DECR2: variants seen among roughly 807,000 people sequenced by gnomAD.
The protein encoded by DECR2 is 2,4-dienoyl-CoA reductase 2, also known as peroxisomal 2,4-dienoyl-CoA reductase [(3E)-enoyl-CoA-producing].
Under a neutral mutation model 29.2 loss-of-function variants are expected in DECR2, and 34 were observed. That is an observed-to-expected ratio of 1.16 (90% CI 0.89 to 1.55). The LOEUF (loss-of-function observed/expected upper bound fraction) is 1.55, where lower values mean the gene tolerates loss of function less well. Ranked by LOEUF, DECR2 falls within the 40% of genes most tolerant of loss-of-function variation. The pLI, the probability that DECR2 is intolerant of heterozygous loss-of-function variation, is 0.00. For missense variants in DECR2, 485 were observed against 425.3 expected (o/e 1.14, Z -1.23); for synonymous variants, 224 against 182.7 (o/e 1.23, Z -1.82).
Position 410,587 on chromosome 16 carries a change from G to A in DECR2, c.463-104G>A, listed in dbSNP as rs9924749. The stretch of plus-strand genomic sequence containing the variant: ...TGCCCTGGGCCTCCCCCTGACGGCC[G>A]CCCGCTCCCTGCCCCGGGCCTCCCC... On this transcript the variant is annotated intron_variant, in intron 5 of 8. Transcript: ENST00000219481. This position sits in a 1 kb window ranked among gnomAD's most constrained non-coding sequence, Gnocchi z 4.1. 3.2e-5 allele frequency: 44 copies of A among 1,373,826 alleles called. No individual in the cohort carries two copies. In the Admixed American group the frequency reaches 6.2e-4, roughly 19 times the overall value. 85.1% of individuals were successfully genotyped at this position (1,373,826 alleles called of 1,614,324 possible).
intron 2 of DECR2, among the ~76,000 whole-genome samples, chr16:405,870 G>A (rs1303291616): frequency 2.6e-5 from 4 of 152,222 alleles, no homozygotes; most frequent in African/African-American, 9.6e-5. Flanking sequence ...TCTTTCGCAA[G>A]AACAGTAGAT....
chr16:407,916 GCCCCATCTCCGGC>G (rs1270769845), intron 4 of DECR2, among the ~76,000 whole-genome samples: 1 of 135,082 alleles, frequency 7.4e-6, no homozygotes, highest in Non-Finnish European at 1.6e-5. Context: ...TCTGTCTCCG[GCCCCATCTCCGGC>G]CCCCTGTCTC....
intron 4 of DECR2, 94 bp downstream of exon 4, chr16:407,654 C>G: frequency 1.9e-6 from 3 of 1,546,522 alleles, no homozygotes; most frequent in Non-Finnish European, 2.6e-6. Context: ...GGGACCATGC[C>G]AGGGAACCTA....
intron 2 of DECR2, chr16:405,286 G>A (rs2054712026): frequency 1.7e-6 from 1 of 592,676 alleles, no homozygotes; most frequent in Non-Finnish European, 2.9e-6. Flanking sequence ...TCAGGGCTGT[G>A]TCGGGCCCCA....
At chr16:408,660 A>G (rs1478454148) in intron 4 of DECR2, among the ~76,000 whole-genome samples, 1 of 151,734 alleles carries the variant, frequency 6.6e-6, no homozygotes, top group Admixed American at 6.6e-5. Context: ...GACGTGTGCC[A>G]TCACGCCTGG....
intron 1 of DECR2, 29 bp from the exon 2 acceptor site, chr16:404,927 T>G: frequency 2.5e-6 from 4 of 1,613,636 alleles, no homozygotes; most frequent in Non-Finnish European, 3.4e-6. Context: ...ATAGGGCTCT[T>G]TTAAAAGAGC....
chr16:406,283 G>A (rs1306317845), intron 2 of DECR2, 63 bp from the exon 3 acceptor site: 3 of 1,424,088 alleles, frequency 2.1e-6, no homozygotes, highest in African/African-American at 5.4e-5. Context: ...CTCAGGAGCT[G>A]GGCAGATGCC....
chr16:411,990 A>G lies in DECR2; in HGVS notation c.*101A>G. 5.5e-6 allele frequency: 1 copy of G among 180,224 alleles called. No individual in the cohort carries two copies. Among genetic ancestry groups the G allele is most frequent in the South Asian group, 1.6e-4 (1 of 6,242 alleles). 11.2% of individuals were successfully genotyped at this position (180,224 alleles called of 1,614,324 possible). ...AGCCCAGCCCCTCCTCTGAACACTC[A>G]GCTATTACTGCGCTTTCCCTCCCCA... On this transcript the variant is annotated 3_prime_UTR_variant, in exon 9 of 9. Transcript: ENST00000219481.
rs373172839 is a variant in DECR2 at position 410,650 on chromosome 16, G to A, written c.463-41G>A. 449 of 1,551,670 alleles carry A rather than the reference G, an allele frequency of 2.9e-4. 1 individual carries two copies. Among genetic ancestry groups the A allele is most frequent in the Non-Finnish European group, 3.5e-4 (406 of 1,144,698 alleles). On this transcript the variant is annotated intron_variant, in intron 5 of 8. Coordinates refer to ENST00000219481, the MANE Select transcript of DECR2 (RefSeq NM_020664.4). The surrounding 1 kb of genome is among the most constrained non-coding windows in gnomAD (Gnocchi z 4.1). Reference sequence around the variant, plus strand: ...CGCTCACTGTCCTGTGACCTCCCCCGACACCCGCCCGCTCACTGCCCCGGG... The same window carrying A: ...CGCTCACTGTCCTGTGACCTCCCCCAACACCCGCCCGCTCACTGCCCCGGG...
rs1465528008 is a variant in DECR2 at position 410,405 on chromosome 16, G to T, written c.462+38G>T. The stretch of plus-strand genomic sequence containing the variant: ...TGCGCTCTGTGAGAAGTTCTTCCGG[G>T]TGGGTGCCTCGTGCGCTCTGTGAGA... On this transcript the variant is annotated intron_variant, in intron 5 of 8. Coordinates refer to ENST00000219481, the MANE Select transcript of DECR2 (RefSeq NM_020664.4). This position sits in a 1 kb window ranked among gnomAD's most constrained non-coding sequence, Gnocchi z 4.1. 1 of 1,592,148 alleles carries T rather than the reference G, an allele frequency of 6.3e-7. No homozygotes were observed. Among genetic ancestry groups the T allele is most frequent in the East Asian group, 2.3e-5 (1 of 44,326 alleles).
Position 410,263 on chromosome 16 carries a change from T to C in DECR2, c.358T>C (p.Cys120Arg), listed in dbSNP as rs773281208. The C allele has an allele frequency of 6.2e-7, 1 of 1,613,438 alleles. No homozygotes were observed. The highest frequency in any genetic ancestry group is 1.1e-5 in the South Asian group (1 of 91,040). The change falls in exon 5 of 9, where the codon TGC becomes CGC. Residue 120 changes from cysteine to arginine, a missense_variant. Cys to Arg is a radical substitution (Grantham distance 180). Coordinates refer to ENST00000219481, the MANE Select transcript of DECR2 (RefSeq NM_020664.4). The surrounding 1 kb of genome is among the most constrained non-coding windows in gnomAD (Gnocchi z 4.1). ...TGCAGGTGCGGCCGGGAACTTCCTG[T>C]GCCCCGCTGGCGCCTTGTCCTTCAA... The part of the protein sequence containing the change: ...LINCAAGNFL[C>R]PAGALSFNAF...
chr16:408,282 C>T (rs1418289006), intron 4 of DECR2, among the ~76,000 whole-genome samples: 16 of 114,214 alleles, frequency 1.4e-4, no homozygotes, highest in African/African-American at 2.7e-4. Context: ...TCTCCGGCCC[C>T]ATCTCCGGCC....
intron 4 of DECR2, among the ~76,000 whole-genome samples, chr16:409,078 C>T (rs1442227740): frequency 1.3e-5 from 2 of 152,112 alleles, no homozygotes; most frequent in African/African-American, 2.4e-5. Context: ...GTGATCCGCC[C>T]GCCTTGGCTT....
At chr16:406,715 G>T (rs1450419966) in intron 3 of DECR2, 1 of 583,542 alleles carries the variant, frequency 1.7e-6, no homozygotes, top group Non-Finnish European at 2.7e-6. Flanking sequence ...GACCAGGCTG[G>T]TCTCGAATTC....
intron 4 of DECR2, among the ~76,000 whole-genome samples, chr16:409,417 G>C (rs895106897): frequency 1.3e-5 from 2 of 150,646 alleles, no homozygotes; most frequent in Non-Finnish European, 2.9e-5. Context: ...TGATCCGCCC[G>C]CCTCAGCCTC....
intron 1 of DECR2, among the ~76,000 whole-genome samples, chr16:402,615 C>T (rs1597194442): frequency 1.3e-5 from 2 of 151,892 alleles, no homozygotes; most frequent in East Asian, 1.9e-4. Context: ...TGCCCTCACT[C>T]GGCTAATGGG....
At chr16:411,268 G>A (rs2054815567) in intron 7 of DECR2, 93 bp from the exon 8 acceptor site, 11 of 1,341,732 alleles carry the variant, frequency 8.2e-6, no homozygotes, top group South Asian at 5.4e-5. Context: ...TGTCCTTGCT[G>A]TTCCCAGATG....
intron 3 of DECR2, 86 bp downstream of exon 3, chr16:406,483 T>C (rs3785290): frequency 0.59 from 850,509 of 1,437,286 alleles, 252,737 homozygotes; most frequent in Middle Eastern, 0.7. Flanking sequence ...CCAGAGGCTA[T>C]GGGGATGTTG....
In DECR2 at chr16:410,835, C is replaced by G. The variant is rs1198983248; in HGVS notation, c.556+51C>G. 13 of 1,522,622 alleles carry G rather than the reference C, an allele frequency of 8.5e-6. No homozygotes were observed. The highest frequency in any genetic ancestry group is 1.2e-5 in the Non-Finnish European group (13 of 1,123,680). 94.3% of individuals were successfully genotyped at this position (1,522,622 alleles called of 1,614,324 possible). A position where few individuals can be genotyped will look rare whatever the true frequency, so the allele number is the denominator to read the frequency against. ...TTTGCCCACGTGGGTCCCCAATGGG[C>G]CGTCTGCTTCCATCCCAGGAGGCCA... On this transcript the variant is annotated intron_variant, in intron 6 of 8. Coordinates refer to ENST00000219481, the MANE Select transcript of DECR2 (RefSeq NM_020664.4). The surrounding 1 kb of genome is among the most constrained non-coding windows in gnomAD (Gnocchi z 4.1).
Sources: allele counts gnomAD v4.1 joint callset (sites outside exome capture counted in the v4.1 genomes callset), GRCh38; gene constraint gnomAD v4.1.1; non-coding constraint Gnocchi (gnomAD v3.1); transcripts MANE v1.5; gene names NCBI Gene and HGNC (gene_info 2026-07-23, HGNC 2026-07-21).